The following CBFA2T2 variants were observed in gnomAD, a reference collection of about 807,000 sequenced individuals.
CBFA2T2 encodes CBFA2/RUNX1 partner transcriptional co-repressor 2.
A neutral mutation model predicts 62.2 loss-of-function variants in CBFA2T2; 11 were observed. That is an observed-to-expected ratio of 0.18 (90% CI 0.11 to 0.29). The LOEUF (loss-of-function observed/expected upper bound fraction) is 0.29, where lower values mean the gene tolerates loss of function less well. CBFA2T2 is among the 10% of genes least tolerant of loss of function. The pLI is 1.00. For missense variants in CBFA2T2, 592 were observed against 774.1 expected, an observed-to-expected ratio of 0.76 and a Z score of 2.79; for synonymous variants, 295 against 287.5, an observed-to-expected ratio of 1.03 and a Z score of -0.27.
chr20:33,536,305 C>T (rs2012230469), intron 1 of CBFA2T2, among the ~76,000 whole-genome samples: 1 of 145,748 alleles, frequency 6.9e-6, no homozygotes, highest in South Asian at 2.2e-4. Flanking sequence ...GGGGCTGACC[C>T]CCCCCACCTC....
At position 33,512,815 on chromosome 20, in the gene CBFA2T2, G is replaced by T. The variant is rs138992239; in HGVS notation, c.34+22514G>T. 2.2e-3 allele frequency among the ~76,000 whole-genome samples: 324 copies of T among 149,152 alleles called. 3 individuals are homozygous for T. The highest frequency in any genetic ancestry group is 7.7e-3 in the African/African-American group (312 of 40,428). On this transcript the variant is annotated intron_variant, in intron 1 of 10. Coordinates refer to ENST00000342704, the MANE Select transcript of CBFA2T2 (RefSeq NM_001032999.3). ...TGCCCAGGCTGGAGTGCAGTGGCGC[G>T]ATCTCGGGCTGACTGCAAGCTCCGC...
chr20:33,555,016 A>G (rs2012855416), intron 1 of CBFA2T2, among the ~76,000 whole-genome samples: 1 of 152,212 alleles, frequency 6.6e-6, no homozygotes, highest in South Asian at 2.1e-4. Flanking sequence ...GCAGCATTCA[A>G]AACTGGAAGA....
At chr20:33,589,730 T>G (rs1350463182) in intron 1 of CBFA2T2, among the ~76,000 whole-genome samples, 1 of 152,180 alleles carries the variant, frequency 6.6e-6, no homozygotes, top group African/African-American at 2.4e-5. Flanking sequence ...CTGATCTGTC[T>G]GAATCCAGCC....
intron 1 of CBFA2T2, among the ~76,000 whole-genome samples, chr20:33,571,042 G>GGTGT (rs2013544321): frequency 1.3e-5 from 2 of 152,192 alleles, no homozygotes; most frequent in South Asian, 4.1e-4. Flanking sequence ...CAACAGACTT[G>GGTGT]GTGTGTGTGT....
chr20:33,490,640 C>T (rs1350927785), intron 1 of CBFA2T2, among the ~76,000 whole-genome samples: 2 of 152,212 alleles, frequency 1.3e-5, no homozygotes, highest in African/African-American at 4.8e-5. Context: ...AGTCCGGCTC[C>T]TGGGGAAATA....
intron 1 of CBFA2T2, among the ~76,000 whole-genome samples, chr20:33,516,295 C>A (rs1429724352): frequency 6.6e-6 from 1 of 151,596 alleles, no homozygotes; most frequent in East Asian, 1.9e-4. Context: ...CATAGTGAAA[C>A]CCCATCTCTA....
At chr20:33,616,170 GATAC>G (rs1341711082) in intron 3 of CBFA2T2, among the ~76,000 whole-genome samples, 1 of 152,080 alleles carries the variant, frequency 6.6e-6, no homozygotes, top group African/African-American at 2.4e-5. Context: ...TATAGATATA[GATAC>G]ATACATACAT....
At chr20:33,574,043 C>A in intron 1 of CBFA2T2, 1 of 1,354,498 alleles carries the variant, frequency 7.4e-7, no homozygotes, top group Non-Finnish European at 9.8e-7. Flanking sequence ...CCCATGTTGG[C>A]TGCCCAAAGT....
At chr20:33,572,720 C>T (rs1254128997) in intron 1 of CBFA2T2, among the ~76,000 whole-genome samples, 1 of 152,146 alleles carries the variant, frequency 6.6e-6, no homozygotes, top group Non-Finnish European at 1.5e-5. Context: ...AGACAGGAGA[C>T]AGAAGTTCAT....
At chr20:33,643,930 G>A (rs576571252) in intron 10 of CBFA2T2, among the ~76,000 whole-genome samples, 4 of 149,280 alleles carry the variant, frequency 2.7e-5, no homozygotes, top group East Asian at 3.9e-4. Flanking sequence ...ATAAATGTTC[G>A]TCTTAACACA....
intron 1 of CBFA2T2, among the ~76,000 whole-genome samples, chr20:33,592,877 C>CTAA (rs1185551794): frequency 6.6e-6 from 1 of 152,072 alleles, no homozygotes; most frequent in Non-Finnish European, 1.5e-5. Context: ...ACTCCATTAA[C>CTAA]CTCTATAAAG....
intron 1 of CBFA2T2, among the ~76,000 whole-genome samples, chr20:33,525,069 C>G (rs1357602022): frequency 6.6e-6 from 1 of 152,204 alleles, no homozygotes; most frequent in Non-Finnish European, 1.5e-5. Flanking sequence ...CTCCTGACCT[C>G]AAGTGATCCA....
chr20:33,613,846 C>T (rs1420056969), intron 3 of CBFA2T2, among the ~76,000 whole-genome samples: 2 of 152,216 alleles, frequency 1.3e-5, no homozygotes, highest in Middle Eastern at 3.4e-3. Flanking sequence ...TAATTGGAAA[C>T]AAAGCAGACA....
At position 33,625,813 on chromosome 20, in the gene CBFA2T2, G is replaced by A. The variant is rs370186809; in HGVS notation, c.946+796G>A. ...AACAACAACAAAAATTAAAAATGAG[G>A]CAGGAGGGGCTGGGCGTGGTGGCTC... is the stretch of plus-strand genomic sequence containing the variant. On this transcript the variant is annotated intron_variant, in intron 6 of 10. Coordinates refer to ENST00000342704, the MANE Select transcript of CBFA2T2 (RefSeq NM_001032999.3). Among the ~76,000 whole-genome samples the A allele has an allele frequency of 3.7e-4, 56 of 152,102 alleles. 1 individual carries two copies. Among genetic ancestry groups the A allele is most frequent in the African/African-American group, 1.3e-3 (55 of 41,518 alleles).
At chr20:33,594,896 C>T (rs762038856) in intron 1 of CBFA2T2, among the ~76,000 whole-genome samples, 19 of 152,178 alleles carry the variant, frequency 1.2e-4, no homozygotes, top group Non-Finnish European at 2.1e-4. Context: ...CTTTTCTGTT[C>T]ATGTGAGAAA....
At chr20:33,642,110 TTTTTTTTGTGTGTGTGTGTGTG>T (rs1473532066) in intron 10 of CBFA2T2, among the ~76,000 whole-genome samples, 2 of 77,046 alleles carry the variant, frequency 2.6e-5, no homozygotes, top group African/African-American at 1.1e-4. Flanking sequence ...TTTGTCTTTT[TTTTTTTTGTGTGTGTGTGTGTG>T]TGTGTGTGTG....
At chr20:33,569,853 T>G (rs984038127) in intron 1 of CBFA2T2, among the ~76,000 whole-genome samples, 2 of 152,208 alleles carry the variant, frequency 1.3e-5, no homozygotes, top group Admixed American at 6.5e-5. Flanking sequence ...TTGGAAGAAA[T>G]GTCTTTTTGG....
chr20:33,584,377 T>C (rs2014270169), intron 1 of CBFA2T2, among the ~76,000 whole-genome samples: 1 of 151,682 alleles, frequency 6.6e-6, no homozygotes, highest in Non-Finnish European at 1.5e-5. Context: ...ACCATTCTCC[T>C]ACCTCAGCCT....
At chr20:33,567,651 C>T (rs1369694389) in intron 1 of CBFA2T2, among the ~76,000 whole-genome samples, 2 of 151,134 alleles carry the variant, frequency 1.3e-5, no homozygotes, top group East Asian at 1.9e-4. Context: ...GGCGTGATCT[C>T]GGCTCACTGC....
Sources: allele counts gnomAD v4.1 joint callset (sites outside exome capture counted in the v4.1 genomes callset), GRCh38; gene constraint gnomAD v4.1.1; transcripts MANE v1.5; gene names NCBI Gene and HGNC (gene_info 2026-07-23, HGNC 2026-07-21).